The following ITFG2 variants were observed in gnomAD, a reference collection of about 807,000 sequenced individuals.
ITFG2 encodes the protein KICSTOR complex protein ITFG2.
In ITFG2, 36 loss-of-function variants were observed where a neutral mutation model predicts 54.4. The ratio of observed to expected loss-of-function variants is 0.66; its 90% CI spans 0.51 to 0.87. The LOEUF (loss-of-function observed/expected upper bound fraction) is 0.87. Ranked by LOEUF, ITFG2 falls within the 40% of genes least tolerant of loss-of-function variation. The pLI is 0.00. For missense variants in ITFG2, 524 were observed against 576.7 expected, an observed-to-expected ratio of 0.91 and a Z score of 0.94; for synonymous variants, 211 against 225.4, an observed-to-expected ratio of 0.94 and a Z score of 0.57.
At chr12:2,829,796 C>T (rs1171693948), downstream of ITFG2, among the ~76,000 whole-genome samples, 5 of 148,858 alleles carry the variant, frequency 3.4e-5, no homozygotes, top group Non-Finnish European at 7.4e-5. Context: ...CCGGAAAAGT[C>T]GAGGGGTGCG....
downstream of ITFG2, chr12:2,826,549 A>G (rs1448905909): frequency 7.0e-6 from 1 of 142,624 alleles, no homozygotes. Flanking sequence ...AAGGTTTTGC[A>G]CAGGGTAATC....
chr12:2,844,788 A>T (rs959974508), intron 2 of ITFG2, among the ~76,000 whole-genome samples: 1 of 152,164 alleles, frequency 6.6e-6, no homozygotes, highest in East Asian at 1.9e-4. Context: ...CTCAGACTAA[A>T]GAAGTCACTG....
chr12:2,830,819 G>A, intron 2 of ITFG2: 1 of 1,613,612 alleles, frequency 6.2e-7, no homozygotes, highest in Non-Finnish European at 8.5e-7. Context: ...GCCAATTCGG[G>A]TTTCCCTCCA....
chr12:2,813,075 C>T (rs531146887), intron 1 of ITFG2, among the ~76,000 whole-genome samples: 18 of 152,356 alleles, frequency 1.2e-4, no homozygotes, highest in African/African-American at 4.3e-4. Context: ...CTCCGTCTGT[C>T]ACCCAGGCTG....
chr12:2,817,848 A>G (rs879819844), intron 2 of ITFG2, 61 bp from the exon 3 acceptor site: 4 of 1,510,632 alleles, frequency 2.6e-6, no homozygotes, highest in Non-Finnish European at 3.6e-6. Context: ...CCTGCTTCAC[A>G]GAGATCAGGG....
At chr12:2,817,518 G>A (rs538726990) in intron 2 of ITFG2, 200 bp downstream of exon 2, 169 of 574,238 alleles carry the variant, frequency 2.9e-4, no homozygotes, top group Non-Finnish European at 4.7e-4. Context: ...ACACGCGTGC[G>A]TGGGCTGGGG....
intron 2 of ITFG2, among the ~76,000 whole-genome samples, chr12:2,847,583 C>T (rs2098056774): frequency 6.6e-6 from 1 of 150,760 alleles, no homozygotes; most frequent in Non-Finnish European, 1.5e-5. Context: ...AGGAGAATTG[C>T]TTGAACCCAA....
At chr12:2,816,511 A>G (rs2097922096) in intron 1 of ITFG2, among the ~76,000 whole-genome samples, 1 of 150,526 alleles carries the variant, frequency 6.6e-6, no homozygotes, top group Non-Finnish European at 1.5e-5. Context: ...TTGTAGTTTT[A>G]ATAGAAACAG....
Position 2,818,195 on chromosome 12 carries a change from G to A in ITFG2, c.324G>A (p.Glu108=). The A allele has an allele frequency of 6.2e-7, 1 of 1,614,162 alleles. No individual in the cohort carries two copies. The change falls in exon 4 of 12, where the codon GAG becomes GAA. Residue 108 remains glutamate (E), a synonymous_variant. Coordinates refer to ENST00000228799, the MANE Select transcript of ITFG2 (RefSeq NM_018463.4). ...TGTTGGATGCTTCTGGGCACCACGA[G>A]ACACTAATCGGAGAGGAGCAGCGTC... The part of the protein sequence containing the change: ...AKVLDASGHH[E]TLIGEEQRPV...
At chr12:2,857,076 C>G (rs969235266) in intron 2 of ITFG2, 1 of 702,766 alleles carries the variant, frequency 1.4e-6, no homozygotes, top group African/African-American at 1.7e-5. Context: ...GAAGCCCTTT[C>G]TGGCACCATT....
intron 10 of ITFG2, 54 bp from the exon 11 acceptor site, chr12:2,823,716 C>A: frequency 2.0e-6 from 3 of 1,506,886 alleles, no homozygotes; most frequent in Admixed American, 4.4e-5. Context: ...TGTCTGCCCC[C>A]CACTGTCGGC....
At chr12:2,856,591 A>C (rs1488948545) in intron 2 of ITFG2, among the ~76,000 whole-genome samples, 1 of 152,116 alleles carries the variant, frequency 6.6e-6, no homozygotes, top group African/African-American at 2.4e-5. Flanking sequence ...TCAAACTCCT[A>C]ACCTCAGGTG....
upstream of ITFG2, chr12:2,834,910 C>G: frequency 1.9e-6 from 3 of 1,613,732 alleles, no homozygotes; most frequent in South Asian, 1.1e-5. Flanking sequence ...TCCTGCCTGT[C>G]TCTGTCCCGT....
chr12:2,815,866 G>T (rs549951782), intron 1 of ITFG2, among the ~76,000 whole-genome samples: 2 of 152,122 alleles, frequency 1.3e-5, no homozygotes, highest in African/African-American at 2.4e-5. Context: ...TCAAAAGATT[G>T]TTTTGTTTTG....
intron 9 of ITFG2, among the ~76,000 whole-genome samples, chr12:2,822,131 T>C (rs1018284853): frequency 6.6e-6 from 1 of 152,070 alleles, no homozygotes; most frequent in African/African-American, 2.4e-5. Flanking sequence ...GATCTCACTA[T>C]ATATGGTTTC....
chr12:2,822,912 G>T lies in ITFG2; in HGVS notation c.1066+1G>T. On this transcript the variant is annotated splice_donor_variant, in intron 10 of 11. Transcript: ENST00000228799. LOFTEE classifies it high-confidence loss of function. Reference sequence around the variant, plus strand: ...GAAAATATCCGTGCCTTCTGTGCAGGTGACCCCCGCCCCCATGGCCCCTTT... The same window carrying T: ...GAAAATATCCGTGCCTTCTGTGCAGTTGACCCCCGCCCCCATGGCCCCTTT... 1.2e-6 allele frequency: 2 copies of T among 1,612,250 alleles called. No homozygotes were observed. Among genetic ancestry groups the T allele is most frequent in the Non-Finnish European group, 1.7e-6 (2 of 1,178,340 alleles).
intron 2 of ITFG2, among the ~76,000 whole-genome samples, chr12:2,846,870 C>T (rs559779071): frequency 3.9e-5 from 6 of 152,112 alleles, no homozygotes; most frequent in East Asian, 3.9e-4. Context: ...TACAAGAGTT[C>T]GATGTATTAC....
chr12:2,832,427 C>G (rs1472933793), upstream of ITFG2, among the ~76,000 whole-genome samples: 3 of 151,912 alleles, frequency 2.0e-5, no homozygotes. Context: ...CCTCTCTCCT[C>G]TCTTCCTGAA....
chr12:2,858,444 C>G (rs1252936712), intron 3 of ITFG2: 1 of 561,986 alleles, frequency 1.8e-6, no homozygotes, highest in Non-Finnish European at 3.1e-6. Context: ...GCAGAGGAAT[C>G]AGATACTCTT....
Sources: gnomAD v4.1 joint callset for allele counts (sites outside exome capture counted in the v4.1 genomes callset) on GRCh38, gnomAD v4.1.1 for gene constraint, MANE v1.5 for transcripts, NCBI Gene and HGNC (gene_info 2026-07-23, HGNC 2026-07-21) for gene names.